Variants in CAMK4 observed in about 807,000 individuals in gnomAD.
CAMK4 encodes calcium/calmodulin dependent protein kinase IV.
CAMK4 carries 22 observed loss-of-function variants against 44.9 expected under a neutral mutation model. The ratio of observed to expected loss-of-function variants is 0.49; its 90% CI spans 0.35 to 0.70. The LOEUF (loss-of-function observed/expected upper bound fraction) is 0.70, where lower values mean the gene tolerates loss of function less well. Among genes scored for constraint, CAMK4 ranks in the 30% least tolerant of loss-of-function variants. The pLI, the probability that CAMK4 is intolerant of heterozygous loss-of-function variation, is 0.01. For synonymous variants in CAMK4, 218 were observed against 215.4 expected (o/e 1.01, Z -0.11); for missense variants, 498 against 586.8 (o/e 0.85, Z 1.56).
chr5:111,460,681 GT>G (rs1466038742), intron 7 of CAMK4, among the ~76,000 whole-genome samples: 1 of 152,052 alleles, frequency 6.6e-6, no homozygotes, highest in African/African-American at 2.4e-5. Context: ...AAATTGAAAG[GT>G]AGCTTTTCAA....
chr5:111,398,611 GT>G (rs1752107577), intron 5 of CAMK4, among the ~76,000 whole-genome samples: 1 of 152,086 alleles, frequency 6.6e-6, no homozygotes, highest in Non-Finnish European at 1.5e-5. Flanking sequence ...AGCCCTACTT[GT>G]TTATCATGTA....
chr5:111,348,663 A>G (rs1323422880), intron 2 of CAMK4, among the ~76,000 whole-genome samples: 1 of 152,020 alleles, frequency 6.6e-6, no homozygotes, highest in Non-Finnish European at 1.5e-5. Flanking sequence ...TTGTGTATGC[A>G]CAGGTTGGGG....
intron 5 of CAMK4, among the ~76,000 whole-genome samples, chr5:111,438,846 T>C (rs1487933568): frequency 6.6e-6 from 1 of 152,196 alleles, no homozygotes; most frequent in African/African-American, 2.4e-5. Context: ...GTGCAGGATT[T>C]AACATTTTTC....
At chr5:111,247,810 T>A (rs935627580) in intron 1 of CAMK4, among the ~76,000 whole-genome samples, 9 of 152,144 alleles carry the variant, frequency 5.9e-5, no homozygotes, top group African/African-American at 1.9e-4. Context: ...AAGACTAGTG[T>A]TTTAATTGAA....
intron 2 of CAMK4, 97 bp downstream of exon 2, chr5:111,344,199 G>A: frequency 1.4e-6 from 1 of 708,094 alleles, no homozygotes; most frequent in Non-Finnish European, 2.4e-6. Context: ...GAGAGCTGCT[G>A]TGTGCAAATA....
At chr5:111,403,806 C>A (rs1752317088) in intron 5 of CAMK4, among the ~76,000 whole-genome samples, 1 of 152,118 alleles carries the variant, frequency 6.6e-6, no homozygotes, top group African/African-American at 2.4e-5. Context: ...TTCTGCACAC[C>A]ATTATCACTA....
chr5:111,454,207 G>A (rs1220348649), intron 7 of CAMK4, among the ~76,000 whole-genome samples: 3 of 152,182 alleles, frequency 2.0e-5, no homozygotes, highest in South Asian at 4.1e-4. Flanking sequence ...TTCGTTGCTT[G>A]TTAGGATGAT....
chr5:111,486,542 C>CTGTGT lies in CAMK4; in HGVS notation c.*2076_*2077insTGTGT, dbSNP rs139004418. On this transcript the variant is annotated 3_prime_UTR_variant, in exon 11 of 11. Coordinates refer to ENST00000282356, the MANE Select transcript of CAMK4 (RefSeq NM_001744.6). Reference sequence around the variant, plus strand: ...ACACACACACACACACACACACACACGTGTTGGAAGAGCAAAGAGAGGGAA... The same window carrying CTGTGT: ...ACACACACACACACACACACACACACTGTGTGTGTTGGAAGAGCAAAGAGAGGGAA... 6.8e-6 allele frequency: 1 copy of CTGTGT among 147,244 alleles called. No individual in the cohort carries two copies. The highest frequency in any genetic ancestry group is 2.5e-5 in the African/African-American group (1 of 39,760). The allele number at this position is 147,244 out of a possible 1,614,324, so 9.1% of individuals were successfully genotyped here.
intron 1 of CAMK4, among the ~76,000 whole-genome samples, chr5:111,279,034 A>T (rs1415660521): frequency 6.6e-6 from 1 of 152,190 alleles, no homozygotes; most frequent in African/African-American, 2.4e-5. Context: ...CGCCCCCTGG[A>T]GCACGGCCTT....
At chr5:111,328,927 T>A (rs551793732) in intron 1 of CAMK4, among the ~76,000 whole-genome samples, 3 of 151,950 alleles carry the variant, frequency 2.0e-5, no homozygotes, top group Admixed American at 2.0e-4. Context: ...ACGATGGGGT[T>A]TTGTAGATGT....
intron 1 of CAMK4, among the ~76,000 whole-genome samples, chr5:111,295,791 A>G (rs1747456402): frequency 6.6e-6 from 1 of 152,174 alleles, no homozygotes; most frequent in Non-Finnish European, 1.5e-5. Flanking sequence ...AAGAGCAGAA[A>G]ATGAGAGGGG....
chr5:111,474,756 C>G (rs554600371), intron 8 of CAMK4, among the ~76,000 whole-genome samples: 34 of 152,288 alleles, frequency 2.2e-4, no homozygotes, highest in African/African-American at 7.5e-4. Context: ...ACCTGATATA[C>G]AATGGTTGAT....
At chr5:111,430,997 G>C (rs1753421162) in intron 5 of CAMK4, among the ~76,000 whole-genome samples, 1 of 151,988 alleles carries the variant, frequency 6.6e-6, no homozygotes, top group Non-Finnish European at 1.5e-5. Context: ...AATGGCCAAA[G>C]CACTATTCTA....
At chr5:111,249,139 G>T (rs1327877395) in intron 1 of CAMK4, among the ~76,000 whole-genome samples, 5 of 152,176 alleles carry the variant, frequency 3.3e-5, no homozygotes, top group Admixed American at 2.0e-4. Context: ...AAACCAGTTT[G>T]TGTGTGCAAG....
intron 7 of CAMK4, among the ~76,000 whole-genome samples, chr5:111,450,299 A>T (rs1455155773): frequency 6.6e-6 from 1 of 152,232 alleles, no homozygotes; most frequent in East Asian, 1.9e-4. Flanking sequence ...GCACCACTGC[A>T]CTACAGCCTG....
chr5:111,415,879 A>C (rs565278822), intron 5 of CAMK4, among the ~76,000 whole-genome samples: 1 of 152,246 alleles, frequency 6.6e-6, no homozygotes, highest in Non-Finnish European at 1.5e-5. Context: ...AACTATTTAC[A>C]TAGCATTTAC....
At chr5:111,301,697 C>T (rs986997033) in intron 1 of CAMK4, among the ~76,000 whole-genome samples, 1 of 152,190 alleles carries the variant, frequency 6.6e-6, no homozygotes. Context: ...AGCCAAATAA[C>T]TTCCTTATAC....
intron 5 of CAMK4, among the ~76,000 whole-genome samples, chr5:111,395,211 CAAA>C (rs1175802762): frequency 2.2e-5 from 2 of 90,670 alleles, no homozygotes; most frequent in Non-Finnish European, 4.5e-5. Context: ...GACCCTGTCT[CAAA>C]AAAAAAAAAA....
intron 1 of CAMK4, among the ~76,000 whole-genome samples, chr5:111,255,166 A>G (rs1053900345): frequency 2.6e-5 from 4 of 152,112 alleles, no homozygotes; most frequent in African/African-American, 9.7e-5. Context: ...TTGAAGGTCT[A>G]ATTTTGTAGT....
Sources: allele counts gnomAD v4.1 joint callset (sites outside exome capture counted in the v4.1 genomes callset), GRCh38; gene constraint gnomAD v4.1.1; transcripts MANE v1.5; gene names NCBI Gene and HGNC (gene_info 2026-07-23, HGNC 2026-07-21).